Variants in HMCN1 observed in about 807,000 individuals in gnomAD.
HMCN1 encodes the protein hemicentin-1.
In HMCN1, 321 loss-of-function variants were observed where a neutral mutation model predicts 625.9. The ratio of observed to expected loss-of-function variants is 0.51; its 90% confidence interval spans 0.47 to 0.56. The LOEUF (loss-of-function observed/expected upper bound fraction) is 0.56. Among genes scored for constraint, HMCN1 ranks in the 20% least tolerant of loss-of-function variants. The probability of loss-of-function intolerance (pLI) is 0.00; values close to 1 mark genes in which losing one functional copy is unlikely to be tolerated. For missense variants in HMCN1, 6,588 were observed against 6,887.3 expected (o/e 0.96, Z 1.54); for synonymous variants, 2,425 against 2,417.6 (o/e 1.00, Z -0.09).
intron 45 of HMCN1, among the ~76,000 whole-genome samples, chr1:186,056,837 T>G (rs1256338716): frequency 1.3e-5 from 2 of 151,944 alleles, no homozygotes; most frequent in East Asian, 3.9e-4. Flanking sequence ...ACCCCAAGCC[T>G]CAGCATCACA....
intron 89 of HMCN1, among the ~76,000 whole-genome samples, chr1:186,141,261 G>A (rs543621902): frequency 1.3e-5 from 2 of 152,268 alleles, no homozygotes; most frequent in Non-Finnish European, 2.9e-5. Context: ...CGCTTGCCAA[G>A]CGATCCGTGG....
At chr1:186,100,928 G>C (rs1209104841) in intron 68 of HMCN1, among the ~76,000 whole-genome samples, 2 of 151,978 alleles carry the variant, frequency 1.3e-5, no homozygotes, top group Non-Finnish European at 2.9e-5. Flanking sequence ...AACTAGGAAG[G>C]GCAAAGTGTT....
At chr1:186,137,446 T>C in intron 87 of HMCN1, 52 bp from the exon 88 acceptor site, 3 of 1,581,774 alleles carry the variant, frequency 1.9e-6, no homozygotes, top group Non-Finnish European at 2.6e-6. Flanking sequence ...AAATCTCCTT[T>C]ACAATGTTTT....
At chr1:185,917,347 A>T (rs1384469977) in intron 6 of HMCN1, among the ~76,000 whole-genome samples, 1 of 152,206 alleles carries the variant, frequency 6.6e-6, no homozygotes, top group African/African-American at 2.4e-5. Context: ...CTAAAATACC[A>T]TGCACAGAGT....
At chr1:186,137,389 C>A in intron 87 of HMCN1, 109 bp from the exon 88 acceptor site, 2 of 1,266,306 alleles carry the variant, frequency 1.6e-6, no homozygotes, top group Non-Finnish European at 2.2e-6. Flanking sequence ...TACGCTATTT[C>A]TCAGCAACTA....
intron 5 of HMCN1, 146 bp downstream of exon 5, chr1:185,909,654 T>C: frequency 2.7e-6 from 2 of 746,292 alleles, no homozygotes; most frequent in Non-Finnish European, 4.4e-6. Context: ...GTTTAAAAAA[T>C]GTAACATTTT....
intron 97 of HMCN1, among the ~76,000 whole-genome samples, chr1:186,155,062 T>C (rs1441680160): frequency 1.3e-5 from 2 of 152,240 alleles, no homozygotes; most frequent in Non-Finnish European, 1.5e-5. Context: ...TTTTGCTGTG[T>C]GCCAGCTTTC....
chr1:185,934,288 T>G (rs939537326), intron 11 of HMCN1, among the ~76,000 whole-genome samples: 2 of 152,226 alleles, frequency 1.3e-5, no homozygotes, highest in South Asian at 4.1e-4. Context: ...TTTAAGATGC[T>G]TCTCATCTTG....
chr1:186,100,679 C>G (rs1411028691), intron 68 of HMCN1, among the ~76,000 whole-genome samples: 2 of 152,082 alleles, frequency 1.3e-5, no homozygotes. Flanking sequence ...TTCCGAGAGA[C>G]CAGTATAAGG....
intron 1 of HMCN1, among the ~76,000 whole-genome samples, chr1:185,745,066 T>C (rs1265319228): frequency 2.6e-5 from 4 of 152,150 alleles, no homozygotes; most frequent in African/African-American, 9.7e-5. Flanking sequence ...GAAATATAAT[T>C]GCCTTTTGGA....
At chr1:185,847,103 AT>A (rs1661867971) in intron 2 of HMCN1, among the ~76,000 whole-genome samples, 1 of 151,082 alleles carries the variant, frequency 6.6e-6, no homozygotes. Flanking sequence ...CAGATTTCTT[AT>A]TTTTCACTTC....
intron 104 of HMCN1, among the ~76,000 whole-genome samples, chr1:186,181,632 T>C (rs921360360): frequency 6.6e-6 from 1 of 152,176 alleles, no homozygotes; most frequent in African/African-American, 2.4e-5. Context: ...AAAAAGAGTA[T>C]TTTTGTCACA....
At chr1:186,179,963 T>G (rs1652842320) in intron 104 of HMCN1, among the ~76,000 whole-genome samples, 2 of 152,160 alleles carry the variant, frequency 1.3e-5, no homozygotes, top group South Asian at 4.1e-4. Context: ...TTCTGTCTTT[T>G]TTACCCTGAT....
intron 85 of HMCN1, 105 bp from the exon 86 acceptor site, chr1:186,132,223 C>T (rs920702261): frequency 2.5e-6 from 2 of 785,952 alleles, no homozygotes; most frequent in Admixed American, 2.0e-5. Context: ...CATTAAAATT[C>T]CTTCTCAAAA....
chr1:185,750,386 T>A (rs1392841119), intron 1 of HMCN1, among the ~76,000 whole-genome samples: 2 of 152,364 alleles, frequency 1.3e-5, no homozygotes, highest in East Asian at 3.9e-4. Context: ...ATTGTCCAAT[T>A]GATCTATCAG....
chr1:185,923,330 T>A (rs913619836), intron 7 of HMCN1, 60 bp from the exon 8 acceptor site: 4 of 1,271,826 alleles, frequency 3.1e-6, no homozygotes, highest in Admixed American at 1.7e-5. Flanking sequence ...AAATACTTAT[T>A]TGATATATAA....
At position 185,993,163 on chromosome 1, in the gene HMCN1, T is replaced by C. The variant is rs1652552106; in HGVS notation, c.3378-19T>C. 6.2e-7 allele frequency: 1 copy of C among 1,608,234 alleles called. No individual in the cohort carries two copies. The highest frequency in any genetic ancestry group is 8.5e-7 in the Non-Finnish European group (1 of 1,175,196). Reference sequence around the variant, plus strand: ...AATTCTCCTCTTCCATGGTCTACTATATGGTTTCTTTCTTTTAGACACACA... The same window carrying C: ...AATTCTCCTCTTCCATGGTCTACTACATGGTTTCTTTCTTTTAGACACACA... On this transcript the variant is annotated intron_variant, in intron 22 of 106. Coordinates refer to ENST00000271588, the MANE Select transcript of HMCN1 (RefSeq NM_031935.3).
At chr1:185,929,855 T>A (rs2102489610) in intron 10 of HMCN1, among the ~76,000 whole-genome samples, 1 of 152,290 alleles carries the variant, frequency 6.6e-6, no homozygotes. Context: ...CATCACAAAC[T>A]ATTCATTTTT....
intron 1 of HMCN1, among the ~76,000 whole-genome samples, chr1:185,742,236 A>G (rs1654040503): frequency 6.6e-6 from 1 of 152,186 alleles, no homozygotes; most frequent in South Asian, 2.1e-4. Context: ...TTACATCATT[A>G]TAATATAAAG....
Sources: allele counts gnomAD v4.1 joint callset (sites outside exome capture counted in the v4.1 genomes callset), GRCh38; gene constraint gnomAD v4.1.1; transcripts MANE v1.5; gene names NCBI Gene and HGNC (gene_info 2026-07-23, HGNC 2026-07-21).